Variants in DCAF6 observed in about 807,000 individuals in gnomAD.
DCAF6 encodes DDB1 and CUL4 associated factor 6.
Under a neutral mutation model 125.1 loss-of-function variants are expected in DCAF6, and 54 were observed. The observed-to-expected ratio is 0.43, with a 90% confidence interval of 0.35 to 0.54. The LOEUF (loss-of-function observed/expected upper bound fraction) is 0.54. Among genes scored for constraint, DCAF6 ranks in the 20% least tolerant of loss-of-function variants. The probability of loss-of-function intolerance (pLI) is 0.01; values close to 1 mark genes in which losing one functional copy is unlikely to be tolerated. For missense variants in DCAF6, 934 were observed against 1,161.7 expected (o/e 0.80, Z 2.85); for synonymous variants, 371 against 390.4 (o/e 0.95, Z 0.58).
At chr1:167,973,803 A>G (rs949292511) in intron 3 of DCAF6, among the ~76,000 whole-genome samples, 1 of 152,134 alleles carries the variant, frequency 6.6e-6, no homozygotes, top group Non-Finnish European at 1.5e-5. Context: ...AGTTTATTCA[A>G]CCAGTCTCCT....
rs1671403492 is a variant in DCAF6, at chr1:167,937,184, C to T, written c.97+176C>T. The T allele has an allele frequency of 8.1e-6, 5 of 619,754 alleles. No homozygotes were observed. In the East Asian group the frequency reaches 8.6e-5, roughly 11 times the overall value. The allele number at this position is 619,754 out of a possible 1,614,324, so 38.4% of individuals were successfully genotyped here. On this transcript the variant is annotated intron_variant, in intron 1 of 21. Transcript: ENST00000367840. ...CGTGCCGGTGCCTCCCCCAGTCAAGCCCCCTGTGCATGCTGCCAGCCGCCG... is the reference window on the plus strand; with the variant it reads ...CGTGCCGGTGCCTCCCCCAGTCAAGTCCCCTGTGCATGCTGCCAGCCGCCG...
At position 168,004,806 on chromosome 1, in the gene DCAF6, A is replaced by T; in HGVS notation, c.1378+13A>T. On this transcript the variant is annotated intron_variant, in intron 10 of 21. Coordinates refer to ENST00000367840, the MANE Select transcript of DCAF6 (RefSeq NM_001198956.2). ...CATCATCAGTCTGGTGAGGATAAGT[A>T]TGCTGTGGTTCATCTAATGATTTTT... 6.2e-7 allele frequency: 1 copy of T among 1,608,068 alleles called. No homozygotes were observed.
At chr1:167,864,686 C>T in the DCAF6 span, among the ~76,000 whole-genome samples, 3 of 152,100 alleles carry the variant, frequency 2.0e-5, no homozygotes, top group Non-Finnish European at 4.4e-5. Flanking sequence ...ACCCTATTCC[C>T]TTTAAAAGCC....
At chr1:167,883,528 A>G in the DCAF6 span, 1 of 1,614,230 alleles carries the variant, frequency 6.2e-7, no homozygotes, top group Non-Finnish European at 8.5e-7. Context: ...GGCTGGGCCT[A>G]TCTCTTCTGC....
At chr1:167,881,064 A>G in the DCAF6 span, among the ~76,000 whole-genome samples, 1 of 152,234 alleles carries the variant, frequency 6.6e-6, no homozygotes, top group East Asian at 1.9e-4. Flanking sequence ...GAAAATGGAT[A>G]TACTGTAGAC....
chr1:167,978,945 T>C (rs991169309), intron 4 of DCAF6, among the ~76,000 whole-genome samples: 1 of 152,112 alleles, frequency 6.6e-6, no homozygotes, highest in African/African-American at 2.4e-5. Flanking sequence ...CCTAAAATGG[T>C]GTCTTTTGAT....
the DCAF6 span, among the ~76,000 whole-genome samples, chr1:167,900,393 G>T: frequency 6.6e-6 from 1 of 152,154 alleles, no homozygotes; most frequent in South Asian, 2.1e-4. Flanking sequence ...CTCACTAACA[G>T]CCAATCAGCA....
chr1:167,931,681 C>T (rs1325817979), upstream of DCAF6, among the ~76,000 whole-genome samples: 1 of 151,986 alleles, frequency 6.6e-6, no homozygotes, highest in Non-Finnish European at 1.5e-5. Flanking sequence ...GGTACGTACA[C>T]TCATTATTTG....
intron 12 of DCAF6, among the ~76,000 whole-genome samples, chr1:168,037,991 A>C (rs999615318): frequency 2.0e-5 from 3 of 152,196 alleles, no homozygotes; most frequent in African/African-American, 4.8e-5. Context: ...TGAAAGAGCC[A>C]AAATTAGTTC....
chr1:167,995,810 A>G lies in DCAF6; in HGVS notation c.903+2370A>G, dbSNP rs145863917. Among the ~76,000 whole-genome samples the G allele has an allele frequency of 3.8e-3, 579 of 152,290 alleles. 3 individuals carry two copies. Among genetic ancestry groups the G allele is most frequent in the African/African-American group, 0.013 (547 of 41,554 alleles). On this transcript the variant is annotated intron_variant, in intron 7 of 21. Transcript: ENST00000367840. ...TTTATACTGAAACTTTGATGATAGT[A>G]TTCAGACAAACTTAACTCACCAAAT...
At chr1:167,955,208 G>C (rs1674588770) in intron 2 of DCAF6, among the ~76,000 whole-genome samples, 1 of 152,142 alleles carries the variant, frequency 6.6e-6, no homozygotes, top group Non-Finnish European at 1.5e-5. Flanking sequence ...TCCAGTTGAG[G>C]ACTATTACAA....
chr1:167,922,014 T>C, the DCAF6 span, among the ~76,000 whole-genome samples: 1 of 152,202 alleles, frequency 6.6e-6, no homozygotes, highest in African/African-American at 2.4e-5. Flanking sequence ...AGGCATATGG[T>C]CTGAGAGTCT....
chr1:167,951,339 C>T (rs1673904002), intron 1 of DCAF6, among the ~76,000 whole-genome samples: 1 of 152,164 alleles, frequency 6.6e-6, no homozygotes, highest in African/African-American at 2.4e-5. Flanking sequence ...CTTTGGGAGG[C>T]CAATGCGGGT....
intron 2 of DCAF6, among the ~76,000 whole-genome samples, chr1:167,964,572 A>G (rs1019795898): frequency 2.6e-5 from 4 of 152,066 alleles, no homozygotes; most frequent in South Asian, 2.1e-4. Context: ...TACTGGATCT[A>G]TGGTTTGGTT....
At chr1:168,038,335 A>AGTAAACT (rs1412365070) in intron 12 of DCAF6, 36 bp from the exon 13 acceptor site, 36 of 1,478,872 alleles carry the variant, frequency 2.4e-5, no homozygotes, top group Non-Finnish European at 3.4e-5. Flanking sequence ...TACTGGTTTC[A>AGTAAACT]GAGACTTTTT....
rs528260252 is a variant in DCAF6, at chr1:168,027,529, A to G, written c.1609+4482A>G. On this transcript the variant is annotated intron_variant, in intron 12 of 21. Coordinates refer to ENST00000367840, the MANE Select transcript of DCAF6 (RefSeq NM_001198956.2). Reference sequence around the variant, plus strand: ...TTTTAAATTTGTTTTTCATACTTTTAACAAAACACGAATGCTTTTTAAAAA... The same window carrying G: ...TTTTAAATTTGTTTTTCATACTTTTGACAAAACACGAATGCTTTTTAAAAA... Among the ~76,000 whole-genome samples the G allele has an allele frequency of 1.7e-3, 258 of 152,268 alleles. 2 individuals carry two copies. The highest frequency in any genetic ancestry group is 5.9e-3 in the African/African-American group (245 of 41,592).
At position 167,988,430 on chromosome 1, in the gene DCAF6, G is replaced by A. The variant is rs115319343; in HGVS notation, c.552+822G>A. On this transcript the variant is annotated intron_variant, in intron 5 of 21. Coordinates refer to ENST00000367840, the MANE Select transcript of DCAF6 (RefSeq NM_001198956.2). ...GATCCTCCCGACTTGGTGTCCCAAA[G>A]TGCTGAGATTACAGGGATGAGCCAC... Among the ~76,000 whole-genome samples, 566 of 152,240 alleles carry A rather than the reference G, an allele frequency of 3.7e-3. 4 individuals are homozygous for A. Among genetic ancestry groups the A allele is most frequent in the African/African-American group, 0.013 (550 of 41,530 alleles).
At chr1:167,875,164 T>C in the DCAF6 span, 1 of 1,614,174 alleles carries the variant, frequency 6.2e-7, no homozygotes, top group Non-Finnish European at 8.5e-7. Context: ...CTGTTGCAGA[T>C]GAGGCACGCC....
chr1:167,991,173 T>C (rs1202984968), intron 5 of DCAF6, 31 bp from the exon 6 acceptor site: 11 of 1,577,998 alleles, frequency 7.0e-6, no homozygotes, highest in Non-Finnish European at 9.5e-6. Flanking sequence ...TGTATAACTA[T>C]ATGTAATTGG....
Sources: allele counts gnomAD v4.1 joint callset (sites outside exome capture counted in the v4.1 genomes callset), GRCh38; gene constraint gnomAD v4.1.1; transcripts MANE v1.5; gene names NCBI Gene and HGNC (gene_info 2026-07-23, HGNC 2026-07-21).